Variants in NFATC1 observed in about 807,000 individuals in gnomAD.
NFATC1 encodes nuclear factor of activated T cells 1, also known as nuclear factor of activated T-cells, cytoplasmic 1.
Under a neutral mutation model 76.0 loss-of-function variants are expected in NFATC1, and 22 were observed. The ratio of observed to expected loss-of-function variants is 0.29; its 90% confidence interval spans 0.21 to 0.41. NFATC1 has a LOEUF of 0.41. Among genes scored for constraint, NFATC1 ranks in the 10% least tolerant of loss-of-function variants. The pLI, the probability that NFATC1 is intolerant of heterozygous loss-of-function variation, is 1.00. For missense variants in NFATC1, 1,357 were observed against 1,337.7 expected, an observed-to-expected ratio of 1.01 and a Z score of -0.23; for synonymous variants, 704 against 613.1, an observed-to-expected ratio of 1.15 and a Z score of -2.19.
intron 8 of NFATC1, among the ~76,000 whole-genome samples, chr18:79,484,691 A>G (rs945681879): frequency 2.6e-5 from 4 of 152,240 alleles, no homozygotes; most frequent in African/African-American, 7.2e-5. Context: ...CTGGGTGGAA[A>G]GCTCTGGTTG....
intron 8 of NFATC1, among the ~76,000 whole-genome samples, chr18:79,485,522 C>T (rs1259017650): frequency 2.6e-5 from 4 of 151,332 alleles, no homozygotes; most frequent in Non-Finnish European, 5.9e-5. Context: ...GGCTGGGAGC[C>T]GGTGTCGGCT....
intron 2 of NFATC1, chr18:79,422,756 G>C (rs2086143028): frequency 6.6e-6 from 1 of 152,250 alleles, no homozygotes; most frequent in Non-Finnish European, 1.5e-5. Context: ...TCCCACCCTT[G>C]AGCTGCAAGG....
chr18:79,451,329 G>A (rs1381462188), intron 5 of NFATC1, among the ~76,000 whole-genome samples: 1 of 152,262 alleles, frequency 6.6e-6, no homozygotes, highest in Non-Finnish European at 1.5e-5. Flanking sequence ...CCCTGGCGCT[G>A]GCTCCTCTGA....
intron 7 of NFATC1, among the ~76,000 whole-genome samples, chr18:79,461,578 G>A (rs757687255): frequency 5.9e-5 from 9 of 152,226 alleles, no homozygotes; most frequent in Non-Finnish European, 1.2e-4. Context: ...GTCACCCAAC[G>A]TGTCAGGTCA....
chr18:79,437,490 C>A (rs905565248), intron 3 of NFATC1, among the ~76,000 whole-genome samples: 1 of 152,172 alleles, frequency 6.6e-6, no homozygotes, highest in African/African-American at 2.4e-5. Flanking sequence ...TCTGCCGATG[C>A]CGGGACCTCG....
chr18:79,521,399 C>A (rs187343995), intron 9 of NFATC1, among the ~76,000 whole-genome samples: 1 of 59,944 alleles, frequency 1.7e-5, no homozygotes. Flanking sequence ...ATGTGTGTGT[C>A]TGTGTGTGTG....
At position 79,509,016 on chromosome 18, in the gene NFATC1, T is replaced by A. The variant is rs114927058; in HGVS notation, c.2783-18512T>A. Among the ~76,000 whole-genome samples, 501 of 152,326 alleles carry A rather than the reference T, an allele frequency of 3.3e-3. 6 individuals are homozygous for A. Among genetic ancestry groups the A allele is most frequent in the African/African-American group, 8.8e-3 (366 of 41,578 alleles). On this transcript the variant is annotated intron_variant, in intron 9 of 9. Transcript: ENST00000427363. ...ACAGGGTTGTCGGTCTCCACTGCCGTGCCAGGTGTCTGTGCTTCTTGCAGT... is the reference window on the plus strand; with the variant it reads ...ACAGGGTTGTCGGTCTCCACTGCCGAGCCAGGTGTCTGTGCTTCTTGCAGT...
At chr18:79,526,191 C>T (rs1340970926) in intron 9 of NFATC1, among the ~76,000 whole-genome samples, 1 of 152,238 alleles carries the variant, frequency 6.6e-6, no homozygotes, top group African/African-American at 2.4e-5. Flanking sequence ...TCCTGCGTGC[C>T]AGTCCGGGAG....
intron 2 of NFATC1, among the ~76,000 whole-genome samples, chr18:79,412,467 C>G (rs1447791783): frequency 6.6e-6 from 1 of 151,902 alleles, no homozygotes; most frequent in Admixed American, 6.5e-5. Flanking sequence ...TCCCCACCCC[C>G]CACTCCTTTT....
At chr18:79,444,929 C>T (rs1014846456) in intron 3 of NFATC1, among the ~76,000 whole-genome samples, 13 of 152,328 alleles carry the variant, frequency 8.5e-5, no homozygotes, top group East Asian at 5.8e-4. Flanking sequence ...GGAATGTCAC[C>T]GTGGACCCCA....
intron 2 of NFATC1, among the ~76,000 whole-genome samples, chr18:79,429,718 A>C (rs1415327019): frequency 1.3e-5 from 2 of 152,204 alleles, no homozygotes; most frequent in African/African-American, 4.8e-5. Context: ...TCATGCTGAA[A>C]ATTTCTAACC....
In NFATC1 at chr18:79,486,775, C is replaced by T. The variant is rs778564138; in HGVS notation, c.2620C>T (p.Arg874Cys). ...CCCAGCGTGCCCGCCCGCCACGGGC[C>T]GCCCGCAGCACCTGCCGTCCACGGT... The part of the protein sequence containing the change: ...CSPACPPATG[R>C]PQHLPSTVRR... Residue 874 changes from arginine (R) to cysteine (C), a missense_variant, in exon 9 of 10, where the codon CGC becomes TGC. Arg to Cys is a radical substitution (Grantham distance 180). Around this residue, in one of 3 missense-constraint regions of NFATC1, gnomAD observed 424 missense variants for 395.4 expected, o/e 1.07. Transcript: ENST00000427363. 32 of 1,607,690 alleles carry T rather than the reference C, an allele frequency of 2.0e-5. 1 individual carries two copies. The highest frequency in any genetic ancestry group is 2.7e-5 in the African/African-American group (2 of 74,936).
intron 9 of NFATC1, among the ~76,000 whole-genome samples, chr18:79,516,613 T>TG (rs956394133): frequency 4.3e-4 from 65 of 152,274 alleles, no homozygotes; most frequent in African/African-American, 1.4e-3. Flanking sequence ...GGAGGCTTCA[T>TG]GTAGGAGGTT....
intron 8 of NFATC1, among the ~76,000 whole-genome samples, chr18:79,483,132 G>A (rs1255387959): frequency 5.7e-5 from 5 of 87,488 alleles, no homozygotes; most frequent in East Asian, 3.6e-4. Flanking sequence ...TAATTCCAGC[G>A]TGACCTGGTT....
chr18:79,463,751 C>T (rs1242905123), intron 7 of NFATC1, among the ~76,000 whole-genome samples: 2 of 151,988 alleles, frequency 1.3e-5, no homozygotes, highest in South Asian at 2.1e-4. Flanking sequence ...TGCCTGGCCT[C>T]GTGCTGCCTA....
rs1332517667 is a variant in NFATC1, at chr18:79,523,010, G to T, written c.2783-4518G>T. 1.3e-5 allele frequency among the ~76,000 whole-genome samples: 2 copies of T among 152,224 alleles called. 1 individual carries two copies. The highest frequency in any genetic ancestry group is 4.1e-4 in the South Asian group (2 of 4,836). ...AGTAAGGGTCAGTCCTGCCCTGTCA[G>T]CTCTGGGGTCCCTGGCAGCCATTCC... On this transcript the variant is annotated intron_variant, in intron 9 of 9. Transcript: ENST00000427363.
chr18:79,426,236 C>CT lies in NFATC1; in HGVS notation c.1227-7330dup, dbSNP rs57237993. Among the ~76,000 whole-genome samples the CT allele has an allele frequency of 7.3e-4, 107 of 146,518 alleles. No homozygotes were observed. The East Asian group carries it at 8.6e-3, about 12-fold the overall frequency. On this transcript the variant is annotated intron_variant, in intron 2 of 9. Coordinates refer to ENST00000427363, the MANE Select transcript of NFATC1 (RefSeq NM_001278669.2). ...AGACAGTGATCATTTCAGGATATGT[C>CT]TTTTTTTTTTTTTCCTCCCCCTCTG...
At position 79,480,344 on chromosome 18, in the gene NFATC1, C is replaced by A. The variant is rs367903173; in HGVS notation, c.2093-5904C>A. Among the ~76,000 whole-genome samples, 94 of 152,276 alleles carry A rather than the reference C, an allele frequency of 6.2e-4. 2 individuals carry two copies. The South Asian group carries it at 0.019, about 31-fold the overall frequency. ...CTGCCTGTGGGTGGGGGGACAGGAG[C>A]TGCCAACCTGGCGGGGTCCCAGCGA... On this transcript the variant is annotated intron_variant, in intron 8 of 9. Transcript: ENST00000427363.
At chr18:79,474,096 CGTT>C (rs1487727782) in intron 8 of NFATC1, among the ~76,000 whole-genome samples, 2,446 of 137,658 alleles carry the variant, frequency 0.018, 55 homozygotes, top group African/African-American at 0.074. Context: ...TCACTGTCGA[CGTT>C]GTAAACCTGA....
Sources: gnomAD v4.1 joint callset for allele counts (sites outside exome capture counted in the v4.1 genomes callset) on GRCh38, gnomAD v4.1.1 for gene constraint, gnomAD v4.1.1 regional missense constraint, MANE v1.5 for transcripts, NCBI Gene and HGNC (gene_info 2026-07-23, HGNC 2026-07-21) for gene names.